ZBTB20: variants seen among roughly 807,000 people sequenced by gnomAD.
The protein encoded by ZBTB20 is zinc finger and BTB domain-containing protein 20.
A neutral mutation model predicts 56.9 loss-of-function variants in ZBTB20; 9 were observed. That is an observed-to-expected ratio of 0.16 (90% CI 0.10 to 0.28). The LOEUF is 0.28. Ranked by LOEUF, ZBTB20 falls within the 10% of genes least tolerant of loss-of-function variation. The pLI is 1.00. For synonymous variants in ZBTB20, 417 were observed against 420.7 expected (o/e 0.99, Z 0.11); for missense variants, 655 against 1,003.0 (o/e 0.65, Z 4.69).
chr3:114,963,886 G>A (rs2077544425), intron 3 of ZBTB20, among the ~76,000 whole-genome samples: 1 of 152,136 alleles, frequency 6.6e-6, no homozygotes, highest in Non-Finnish European at 1.5e-5. Context: ...AAATCAGATA[G>A]TAAGCCGAGG....
chr3:114,641,486 G>C (rs894128211), intron 6 of ZBTB20, among the ~76,000 whole-genome samples: 1 of 151,498 alleles, frequency 6.6e-6, no homozygotes, highest in African/African-American at 2.4e-5. Context: ...TTCTTATATA[G>C]ATATAAAATA....
chr3:114,814,027 A>C, intron 4 of ZBTB20, among the ~76,000 whole-genome samples: 1 of 151,948 alleles, frequency 6.6e-6, no homozygotes, highest in East Asian at 1.9e-4. Context: ...TTTACATTAT[A>C]ATACAGTGAT....
At chr3:114,990,137 A>C (rs564166435) in intron 2 of ZBTB20, among the ~76,000 whole-genome samples, 1 of 152,180 alleles carries the variant, frequency 6.6e-6, no homozygotes, top group East Asian at 1.9e-4. Flanking sequence ...TTCCAACACT[A>C]TGTTGAATAG....
chr3:115,129,311 T>C (rs902154594), intron 1 of ZBTB20, among the ~76,000 whole-genome samples: 3 of 152,228 alleles, frequency 2.0e-5, no homozygotes, highest in Admixed American at 6.5e-5. Context: ...CTTAGACACA[T>C]TCATCCATTC....
intron 6 of ZBTB20, among the ~76,000 whole-genome samples, chr3:114,583,141 C>T (rs1042859185): frequency 6.6e-6 from 1 of 152,184 alleles, no homozygotes; most frequent in Non-Finnish European, 1.5e-5. Context: ...CTTTTCAATG[C>T]TGCATTTCAA....
chr3:114,949,002 A>G (rs539507659), intron 3 of ZBTB20, among the ~76,000 whole-genome samples: 1 of 146,278 alleles, frequency 6.8e-6, no homozygotes, highest in South Asian at 2.1e-4. Flanking sequence ...AGCACAGCTA[A>G]AAGATTTACA....
At chr3:114,424,060 T>C (rs2089433404) in intron 7 of ZBTB20, among the ~76,000 whole-genome samples, 2 of 152,264 alleles carry the variant, frequency 1.3e-5, no homozygotes, top group African/African-American at 4.8e-5. Context: ...TTTCCTTGTT[T>C]GCTTTTGAAA....
At chr3:114,915,742 T>A (rs1355546855) in intron 3 of ZBTB20, among the ~76,000 whole-genome samples, 5 of 151,968 alleles carry the variant, frequency 3.3e-5, no homozygotes, top group Non-Finnish European at 5.9e-5. Context: ...TCCCTCTTAG[T>A]TTTGATATGT....
chr3:115,122,428 C>T (rs1163830777), intron 1 of ZBTB20, among the ~76,000 whole-genome samples: 1 of 152,032 alleles, frequency 6.6e-6, no homozygotes, highest in Admixed American at 6.6e-5. Context: ...ATATAGCTGT[C>T]TCTTGCTTCC....
At chr3:114,764,210 A>G (rs541265155) in intron 5 of ZBTB20, among the ~76,000 whole-genome samples, 69 of 150,632 alleles carry the variant, frequency 4.6e-4, no homozygotes, top group African/African-American at 1.6e-3. Flanking sequence ...CATGTTCCTG[A>G]AGTATCCTCT....
At chr3:114,590,866 T>C (rs1224555469) in intron 6 of ZBTB20, among the ~76,000 whole-genome samples, 1 of 152,240 alleles carries the variant, frequency 6.6e-6, no homozygotes, top group Non-Finnish European at 1.5e-5. Flanking sequence ...TATGACTCTA[T>C]ACTGGTTAAA....
At chr3:115,091,972 A>T (rs907478060) in intron 1 of ZBTB20, among the ~76,000 whole-genome samples, 3 of 152,076 alleles carry the variant, frequency 2.0e-5, no homozygotes, top group African/African-American at 7.2e-5. Context: ...AAGAAGGAGC[A>T]CCTCAATGCC....
intron 5 of ZBTB20, among the ~76,000 whole-genome samples, chr3:114,727,979 A>G (rs1260039375): frequency 1.3e-5 from 2 of 151,516 alleles, no homozygotes; most frequent in South Asian, 2.1e-4. Flanking sequence ...ATAATACAGG[A>G]AAAAAAAATT....
intron 4 of ZBTB20, among the ~76,000 whole-genome samples, chr3:114,827,089 T>G (rs2073570226): frequency 6.6e-6 from 1 of 151,778 alleles, no homozygotes; most frequent in Non-Finnish European, 1.5e-5. Context: ...TAAAGTCAAT[T>G]AATAATTTGC....
intron 2 of ZBTB20, among the ~76,000 whole-genome samples, chr3:115,020,550 C>T (rs1463134850): frequency 6.6e-6 from 1 of 150,988 alleles, no homozygotes; most frequent in African/African-American, 2.4e-5. Flanking sequence ...TAAAGCAGTT[C>T]AAGGAAGAAA....
chr3:115,079,204 C>T (rs1318702582), intron 1 of ZBTB20, among the ~76,000 whole-genome samples: 2 of 152,224 alleles, frequency 1.3e-5, no homozygotes, highest in East Asian at 3.9e-4. Context: ...AATCAACACA[C>T]TGTATGAATT....
At chr3:115,126,072 A>G (rs2108656385) in intron 1 of ZBTB20, among the ~76,000 whole-genome samples, 1 of 152,320 alleles carries the variant, frequency 6.6e-6, no homozygotes, top group South Asian at 2.1e-4. Flanking sequence ...CAGAAGGAAA[A>G]GACACATGTA....
chr3:114,957,091 A>T (rs2077272478), intron 3 of ZBTB20, among the ~76,000 whole-genome samples: 1 of 152,180 alleles, frequency 6.6e-6, no homozygotes, highest in East Asian at 1.9e-4. Flanking sequence ...CTCTTCCAAA[A>T]CAAAATTTGG....
chr3:114,361,870 G>C (rs568672559), intron 10 of ZBTB20, among the ~76,000 whole-genome samples: 2 of 152,164 alleles, frequency 1.3e-5, no homozygotes, highest in Non-Finnish European at 2.9e-5. Context: ...CTGGGGGCTG[G>C]GCCAATGGTC....
Sources: allele counts gnomAD v4.1 joint callset (sites outside exome capture counted in the v4.1 genomes callset), GRCh38; gene constraint gnomAD v4.1.1; transcripts MANE v1.5; gene names NCBI Gene and HGNC (gene_info 2026-07-23, HGNC 2026-07-21).